SMG9: variants seen among roughly 807,000 people sequenced by gnomAD.
SMG9 encodes the protein nonsense-mediated mRNA decay factor SMG9.
In SMG9, 55 loss-of-function variants were observed where a neutral mutation model predicts 64.0. The ratio of observed to expected loss-of-function variants is 0.86; its 90% confidence interval spans 0.69 to 1.08. The LOEUF (loss-of-function observed/expected upper bound fraction) is 1.08, where lower values mean the gene tolerates loss of function less well. Ranked by LOEUF, SMG9 falls within the 50% of genes least tolerant of loss-of-function variation. The pLI, the probability that SMG9 is intolerant of heterozygous loss-of-function variation, is 0.00. For missense variants in SMG9, 554 were observed against 681.3 expected, an observed-to-expected ratio of 0.81 and a Z score of 2.08; for synonymous variants, 244 against 254.8, an observed-to-expected ratio of 0.96 and a Z score of 0.41.
rs1380888721 is a variant in SMG9, at chr19:43,743,323, A to G, written c.701+1449T>C. On this transcript the variant is annotated intron_variant, in intron 6 of 13. Transcript: ENST00000270066. ...CAAAATGGAACCAAACTGAGTCATG[A>G]GTGAGCAGAGAAGAGGAGGGAGAGA... Among the ~76,000 whole-genome samples the G allele has an allele frequency of 3.9e-5, 6 of 152,330 alleles. 2 individuals are homozygous for G. The highest frequency in any genetic ancestry group is 3.9e-4 in the Admixed American group (6 of 15,300).
At position 43,731,042 on chromosome 19, in the gene SMG9, ACTT is replaced by A. The variant is rs1342201855; in HGVS notation, c.*551_*553del. On this transcript the variant is annotated 3_prime_UTR_variant, in exon 14 of 14. Transcript: ENST00000270066. ...GGAAACAGAATAACCCCTTCTAGGG[ACTT>A]CTTAGCAGAGACTGATCTCCATCTG... 1 of 858,588 alleles carries A rather than the reference ACTT, an allele frequency of 1.2e-6. No individual in the cohort carries two copies. Among genetic ancestry groups the A allele is most frequent in the African/African-American group, 1.8e-5 (1 of 54,594 alleles). The allele number at this position is 858,588 out of a possible 1,614,324, so 53.2% of individuals were successfully genotyped here. A position where few individuals can be genotyped will look rare whatever the true frequency, so the allele number is the denominator to read the frequency against.
In SMG9 at chr19:43,737,750, C is replaced by A. The variant is rs1968719493; in HGVS notation, c.910-68G>T. The A allele has an allele frequency of 8.1e-6, 12 of 1,485,026 alleles. No homozygotes were observed. The South Asian group carries it at 1.4e-4, about 18-fold the overall frequency. 92.0% of individuals were successfully genotyped at this position (1,485,026 alleles called of 1,614,324 possible). A position where few individuals can be genotyped will look rare whatever the true frequency, so the allele number is the denominator to read the frequency against. On this transcript the variant is annotated intron_variant, in intron 8 of 13. Transcript: ENST00000270066. The stretch of plus-strand genomic sequence containing the variant: ...CCCAGACTAATCAGGAGTCCCTGAT[C>A]CCAGGACTCAGTTCAGGAGGCAGCA...
chr19:43,733,634 C>T lies in SMG9; in HGVS notation c.1202G>A (p.Arg401His), dbSNP rs1412547746. 4.3e-6 allele frequency: 7 copies of T among 1,614,014 alleles called. No homozygotes were observed. The highest frequency in any genetic ancestry group is 1.7e-5 in the Admixed American group (1 of 59,996). Residue 401 changes from arginine (R) to histidine (H), a missense_variant, in exon 11 of 14, where the codon CGT (arginine) becomes CAT (histidine). By Grantham distance (29) the Arg-to-His change is conservative. Transcript: ENST00000270066. The part of the protein sequence containing the change: ...IDQLMAHSHL[R>H]YKGTLSMLQC... ...GATGTGGGAACCCTTACCCTTGTAA[C>T]GCAGGTGGGAGTGGGCCATGAGCTG...
intron 5 of SMG9, among the ~76,000 whole-genome samples, chr19:43,747,183 G>A (rs1305000772): frequency 6.6e-6 from 1 of 152,170 alleles, no homozygotes; most frequent in Non-Finnish European, 1.5e-5. Context: ...TGGCACGGGA[G>A]ATCCCAGGGG....
intron 11 of SMG9, 47 bp from the exon 12 acceptor site, chr19:43,733,499 G>A (rs764114649): frequency 1.8e-5 from 29 of 1,612,644 alleles, no homozygotes; most frequent in Non-Finnish European, 2.5e-5. Flanking sequence ...TTGTGGGTTT[G>A]GGGAGTGGGA....
chr19:43,738,272 A>C (rs1968739143), intron 7 of SMG9, 55 bp from the exon 8 acceptor site: 379 of 1,466,846 alleles, frequency 2.6e-4, no homozygotes, highest in Non-Finnish European at 3.3e-4. Flanking sequence ...TCACACGCTC[A>C]AGGCAAATAC....
chr19:43,731,979 C>T (rs898874453), intron 13 of SMG9, among the ~76,000 whole-genome samples: 1 of 152,248 alleles, frequency 6.6e-6, no homozygotes, highest in African/African-American at 2.4e-5. Flanking sequence ...GGTGAGGGTT[C>T]AGTTTCCACC....
In SMG9 at chr19:43,730,564, C is replaced by CTT. The variant is rs574384507; in HGVS notation, c.*1030_*1031dup. Reference sequence around the variant, plus strand: ...TTCTGTTTCTTAAGTCAAAAGTAGGCTTTTTTTTTTTTTTTGAGACGGAGT... The same window carrying CTT: ...TTCTGTTTCTTAAGTCAAAAGTAGGCTTTTTTTTTTTTTTTTTGAGACGGAGT... On this transcript the variant is annotated 3_prime_UTR_variant, in exon 14 of 14. Transcript: ENST00000270066. The CTT allele has an allele frequency of 7.9e-5, 11 of 139,762 alleles. No individual in the cohort carries two copies. Among genetic ancestry groups the CTT allele is most frequent in the East Asian group, 2.1e-4 (1 of 4,864 alleles). 8.7% of individuals were successfully genotyped at this position (139,762 alleles called of 1,614,324 possible).
rs367557838 is a variant in SMG9, at chr19:43,740,134, T to C, written c.786A>G (p.Gln262=). 6.6e-5 allele frequency: 106 copies of C among 1,613,908 alleles called. No individual in the cohort carries two copies. Among genetic ancestry groups the C allele is most frequent in the Non-Finnish European group, 8.6e-5 (102 of 1,179,900 alleles). ...QTSGIDFFIT[Q]ERIVFLDTQP... ...GTGTGTCCAGGAAAACAATCCGTTCTTGGGTAATAAAGAAGTCGATGCCAC... is the reference window on the plus strand; with the variant it reads ...GTGTGTCCAGGAAAACAATCCGTTCCTGGGTAATAAAGAAGTCGATGCCAC... Residue 262 remains glutamine (Q), a synonymous_variant, in exon 7 of 14, where the codon CAA becomes CAG. Coordinates refer to ENST00000270066, the MANE Select transcript of SMG9 (RefSeq NM_019108.4).
At position 43,732,869 on chromosome 19, in the gene SMG9, G is replaced by C. The variant is rs372893514; in HGVS notation, c.1473C>G (p.Thr491=). Residue 491 remains threonine (T), a synonymous_variant, in exon 13 of 14, where the codon ACC becomes ACG. Coordinates refer to ENST00000270066, the MANE Select transcript of SMG9 (RefSeq NM_019108.4). ...CAAAGAGCTCTTACCAGTTCTTCTCGGTGAGGATCGTGTGTGACAGCTGTG... is the reference window on the plus strand; with the variant it reads ...CAAAGAGCTCTTACCAGTTCTTCTCCGTGAGGATCGTGTGTGACAGCTGTG... ...ARPQLSHTIL[T]EKNWFHYAAR... The C allele has an allele frequency of 1.5e-5, 25 of 1,613,784 alleles. No individual in the cohort carries two copies. In the African/African-American group the frequency reaches 3.3e-4, roughly 22 times the overall value.
rs963176220 is a variant in SMG9 at position 43,731,744 on chromosome 19, G to A, written c.1485-70C>T. On this transcript the variant is annotated intron_variant, in intron 13 of 13. Coordinates refer to ENST00000270066, the MANE Select transcript of SMG9 (RefSeq NM_019108.4). ...CCAGCCCAGCACCAACCCGGGACAG[G>A]TGGAGAAACTGAGGCCCCTTTTATG... 1.9e-6 allele frequency: 3 copies of A among 1,593,264 alleles called. No homozygotes were observed. In the South Asian group the frequency reaches 3.3e-5, roughly 18 times the overall value.
intron 2 of SMG9, 34 bp downstream of exon 2, chr19:43,750,558 T>C (rs908365316): frequency 3.8e-6 from 6 of 1,584,180 alleles, no homozygotes; most frequent in Non-Finnish European, 5.2e-6. Context: ...ACCAAATAGA[T>C]ACATGAATGC....
At chr19:43,741,321 G>A (rs576369556) in intron 6 of SMG9, among the ~76,000 whole-genome samples, 1 of 152,302 alleles carries the variant, frequency 6.6e-6, no homozygotes, top group East Asian at 1.9e-4. Context: ...CGCAGAGGAA[G>A]GTTGCATCGG....
chr19:43,738,261 T>G, intron 7 of SMG9, 44 bp from the exon 8 acceptor site: 1 of 1,552,056 alleles, frequency 6.4e-7, no homozygotes, highest in East Asian at 2.2e-5. Flanking sequence ...ATACCCAAGT[T>G]TCACACGCTC....
chr19:43,734,138 A>G, intron 10 of SMG9: 1 of 550,956 alleles, frequency 1.8e-6, no homozygotes, highest in Non-Finnish European at 3.2e-6. Flanking sequence ...AGAAATAGGC[A>G]GACCTGGGGC....
rs778572007 is a variant in SMG9 at position 43,744,862 on chromosome 19, A to C, written c.611T>G (p.Val204Gly). 3 of 1,613,894 alleles carry C rather than the reference A, an allele frequency of 1.9e-6. No homozygotes were observed. Among genetic ancestry groups the C allele is most frequent in the Admixed American group, 3.3e-5 (2 of 59,988 alleles). The change falls in exon 6 of 14, where the codon GTG becomes GGG. Residue 204 changes from valine to glycine, a missense_variant. Physicochemically the swap from Val to Gly is moderately radical, Grantham distance 109. Transcript: ENST00000270066. Reference sequence around the variant, plus strand: ...GAGGCCCAGGACACCAACCACCAACACATCAGTCTGATCCAACAGGTACTG... The same window carrying C: ...GAGGCCCAGGACACCAACCACCAACCCATCAGTCTGATCCAACAGGTACTG... The part of the protein sequence containing the change: ...AIEYLLDQTD[V>G]LVVGVLGLQG...
intron 2 of SMG9, 119 bp downstream of exon 2, chr19:43,750,460 CCTTCTTTATCCAT>C: frequency 9.3e-7 from 1 of 1,073,452 alleles, no homozygotes; most frequent in Non-Finnish European, 1.3e-6. Flanking sequence ...TCACTCTCCA[CCTTCTTTATCCAT>C]GAGGGTGGTA....
intron 6 of SMG9, 45 bp downstream of exon 6, chr19:43,744,727 G>A: frequency 6.8e-7 from 1 of 1,467,220 alleles, no homozygotes; most frequent in East Asian, 2.3e-5. Flanking sequence ...CCTGCTCCCA[G>A]TGGGTGCCCA....
At chr19:43,740,022 C>A in intron 7 of SMG9, 85 bp downstream of exon 7, 1 of 979,442 alleles carries the variant, frequency 1.0e-6, no homozygotes, top group Non-Finnish European at 1.7e-6. Flanking sequence ...ATGGAATCCA[C>A]GCAGGGTTCT....
Sources: allele counts gnomAD v4.1 joint callset (sites outside exome capture counted in the v4.1 genomes callset), GRCh38; gene constraint gnomAD v4.1.1; transcripts MANE v1.5; gene names NCBI Gene and HGNC (gene_info 2026-07-23, HGNC 2026-07-21).